RSL1D1: variants seen among roughly 807,000 people sequenced by gnomAD.
The protein encoded by RSL1D1 is ribosomal L1 domain containing 1.
RSL1D1 carries 34 observed loss-of-function variants against 44.6 expected under a neutral mutation model. The ratio of observed to expected loss-of-function variants is 0.76; its 90% CI spans 0.58 to 1.02. The LOEUF is 1.02. RSL1D1 is among the 50% of genes least tolerant of loss of function. RSL1D1 has a pLI of 0.00. For synonymous variants in RSL1D1, 271 were observed against 207.4 expected (o/e 1.31, Z -2.63); for missense variants, 767 against 568.1 (o/e 1.35, Z -3.56).
chr16:11,847,952 C>T (rs2053811252), intron 2 of RSL1D1, 146 bp from the exon 3 acceptor site: 3 of 815,332 alleles, frequency 3.7e-6, no homozygotes, highest in East Asian at 2.7e-5. Flanking sequence ...AAGAACAACA[C>T]TTAAAAATAC....
chr16:11,842,980 G>A lies in RSL1D1; in HGVS notation c.636-980C>T, dbSNP rs138285218. ...CTCGTTGCCCAGGCTGGAGTGCAAT[G>A]GCGTGATCTTGGCTCACTGCAACCC... is the stretch of plus-strand genomic sequence containing the variant. On this transcript the variant is annotated intron_variant, in intron 5 of 8. Coordinates refer to ENST00000571133, the MANE Select transcript of RSL1D1 (RefSeq NM_015659.3). Among the ~76,000 whole-genome samples, 19 of 148,592 alleles carry A rather than the reference G, an allele frequency of 1.3e-4. 1 individual carries two copies. In the East Asian group the frequency reaches 3.6e-3, roughly 28 times the overall value.
Position 11,851,462 on chromosome 16 carries a change from G to A in RSL1D1, c.51C>T (p.Thr17=), listed in dbSNP as rs768471148. The A allele has an allele frequency of 3.1e-6, 5 of 1,614,008 alleles. No homozygotes were observed. In the African/African-American group the frequency reaches 4.0e-5, roughly 13 times the overall value. ...ASLSSAAATG[T]STSTPAAPTA... ...TCGGGGCCGCTGGAGTCGAGGTGGA[G>A]GTTCCAGTAGCGGCTGCAGAAGACA... The change falls in exon 1 of 9, where the codon ACC becomes ACT. Residue 17 remains threonine (T), a synonymous_variant. Transcript: ENST00000571133.
In RSL1D1 at chr16:11,851,491, A is replaced by G; in HGVS notation, c.22T>C (p.Ser8Pro). Residue 8 changes from serine to proline, a missense_variant, in exon 1 of 9, where the codon TCG becomes CCG. Transcript: ENST00000571133. ...CCAGTAGCGGCTGCAGAAGACAGCG[A>G]GGCCGAGGCCGAATCCTCCATCTTG... is the stretch of plus-strand genomic sequence containing the variant. MEDSASA[S>P]LSSAAATGTS... The G allele has an allele frequency of 6.2e-7, 1 of 1,613,906 alleles. No individual in the cohort carries two copies. The highest frequency in any genetic ancestry group is 8.5e-7 in the Non-Finnish European group (1 of 1,179,964).
chr16:11,840,292 G>A lies in RSL1D1; in HGVS notation c.856-307C>T, dbSNP rs188941613. Among the ~76,000 whole-genome samples the A allele has an allele frequency of 3.9e-5, 6 of 152,288 alleles. No individual in the cohort carries two copies. The East Asian group carries it at 9.6e-4, about 24-fold the overall frequency. ...TGTAAAGAATAATACTCAGCTGGGCGCGGTGGCTCACGCCTGTAATCACAG... is the reference window on the plus strand; with the variant it reads ...TGTAAAGAATAATACTCAGCTGGGCACGGTGGCTCACGCCTGTAATCACAG... On this transcript the variant is annotated intron_variant, in intron 7 of 8. Coordinates refer to ENST00000571133, the MANE Select transcript of RSL1D1 (RefSeq NM_015659.3).
At position 11,841,704 on chromosome 16, in the gene RSL1D1, C is replaced by G. The variant is rs1297059768; in HGVS notation, c.846G>C (p.Lys282Asn). ...TTAAAATTCTACTAACTTTTTTCTT[C>G]TTATTAAGCAAAGATCTTTTGGTGG... is the stretch of plus-strand genomic sequence containing the variant. ...DEATKRSLLN[K>N]KKKEARRKRR... Residue 282 changes from lysine to asparagine, a missense_variant, in exon 7 of 9, where the codon AAG becomes AAC. Lys to Asn is a moderately conservative substitution (Grantham distance 94). Coordinates refer to ENST00000571133, the MANE Select transcript of RSL1D1 (RefSeq NM_015659.3). 1 of 1,609,182 alleles carries G rather than the reference C, an allele frequency of 6.2e-7. No individual in the cohort carries two copies. The highest frequency in any genetic ancestry group is 8.5e-7 in the Non-Finnish European group (1 of 1,178,630).
At chr16:11,841,605 G>C in intron 7 of RSL1D1, 90 bp downstream of exon 7, 2 of 1,202,602 alleles carry the variant, frequency 1.7e-6, no homozygotes, top group Non-Finnish European at 2.4e-6. Context: ...TAACTGAAAA[G>C]TCGGGCAGCG....
chr16:11,840,422 TGG>T (rs1051069342), intron 7 of RSL1D1, among the ~76,000 whole-genome samples: 1 of 152,014 alleles, frequency 6.6e-6, no homozygotes, highest in African/African-American at 2.4e-5. Flanking sequence ...AAAAATTAGC[TGG>T]GCATGGTGAT....
rs554784001 is a variant in RSL1D1, at chr16:11,851,535, G to A, written c.-23C>T. On this transcript the variant is annotated 5_prime_UTR_variant, in exon 1 of 9. Coordinates refer to ENST00000571133, the MANE Select transcript of RSL1D1 (RefSeq NM_015659.3). Reference sequence around the variant, plus strand: ...CATCTTGTTTCCACCTCGTGAAGAGGCGCGTGTGCAACCCCACTGCTGGCT... The same window carrying A: ...CATCTTGTTTCCACCTCGTGAAGAGACGCGTGTGCAACCCCACTGCTGGCT... 6.8e-6 allele frequency: 11 copies of A among 1,608,884 alleles called. No individual in the cohort carries two copies. Among genetic ancestry groups the A allele is most frequent in the South Asian group, 4.4e-5 (4 of 90,790 alleles).
intron 5 of RSL1D1, among the ~76,000 whole-genome samples, chr16:11,845,111 C>A (rs1428622065): frequency 6.6e-6 from 1 of 152,090 alleles, no homozygotes. Flanking sequence ...GAAGTTAAAC[C>A]AAGAATGAGG....
chr16:11,850,438 C>G lies in RSL1D1; in HGVS notation c.106-20G>C. 6.3e-7 allele frequency: 1 copy of G among 1,584,670 alleles called. No homozygotes were observed. The highest frequency in any genetic ancestry group is 8.5e-7 in the Non-Finnish European group (1 of 1,172,268). ...TCTAACCTGCAAAGTGGAAATTAGA[C>G]AAATAAGTGAAATGTTTTCACAATA... On this transcript the variant is annotated intron_variant, in intron 1 of 8. Transcript: ENST00000571133.
chr16:11,842,558 C>T (rs2053770268), intron 5 of RSL1D1, among the ~76,000 whole-genome samples: 2 of 151,862 alleles, frequency 1.3e-5, no homozygotes, highest in African/African-American at 4.8e-5. Context: ...GATGGGTTCT[C>T]ACTCCTGAGC....
At position 11,839,908 on chromosome 16, in the gene RSL1D1, C is replaced by G. The variant is rs1567418011; in HGVS notation, c.933G>C (p.Lys311Asn). The part of the protein sequence containing the change: ...ERKKKRQQAR[K>N]TASVLSKDDV... ...CATCTTTACTAAGAACTGATGCAGT[C>G]TTCCTAGCCTGCTGCCTCTTCTTCT... The change falls in exon 8 of 9, where the codon AAG becomes AAC. Residue 311 changes from lysine (K) to asparagine (N), a missense_variant. Coordinates refer to ENST00000571133, the MANE Select transcript of RSL1D1 (RefSeq NM_015659.3). 6.2e-7 allele frequency: 1 copy of G among 1,614,128 alleles called. No individual in the cohort carries two copies. The highest frequency in any genetic ancestry group is 2.2e-5 in the East Asian group (1 of 44,882).
At chr16:11,851,139 G>C in intron 1 of RSL1D1, 1 of 520,080 alleles carries the variant, frequency 1.9e-6, no homozygotes, top group Non-Finnish European at 3.5e-6. Flanking sequence ...GCTAATGATA[G>C]GGAAGCTAAG....
rs763922015 is a variant in RSL1D1 at position 11,846,562 on chromosome 16, T to C, written c.574A>G (p.Arg192Gly). 2.5e-6 allele frequency: 4 copies of C among 1,609,078 alleles called. No individual in the cohort carries two copies. Among genetic ancestry groups the C allele is most frequent in the East Asian group, 2.2e-5 (1 of 44,856 alleles). The change falls in exon 5 of 9, where the codon AGA (arginine) becomes GGA (glycine). Residue 192 changes from arginine to glycine, a missense_variant. By Grantham distance (125) the Arg-to-Gly change is moderately radical (BLOSUM62 -2). Transcript: ENST00000571133. ...CCACCTATACAGTCATTGATCTCTCTTGATAAATTCTTGGACAGAAGGTTT... is the reference window on the plus strand; with the variant it reads ...CCACCTATACAGTCATTGATCTCTCCTGATAAATTCTTGGACAGAAGGTTT... ...SVNLLSKNLS[R>G]EINDCIGGTV...
At chr16:11,851,311 G>A in intron 1 of RSL1D1, 97 bp downstream of exon 1, 2 of 1,147,466 alleles carry the variant, frequency 1.7e-6, no homozygotes, top group South Asian at 2.5e-5. Context: ...ACAGCCCCGG[G>A]GAAGTCCGCC....
chr16:11,850,473 A>C, intron 1 of RSL1D1, 55 bp from the exon 2 acceptor site: 1 of 1,537,456 alleles, frequency 6.5e-7, no homozygotes. Flanking sequence ...AACTTACACA[A>C]ATAAATGAAA....
intron 8 of RSL1D1, among the ~76,000 whole-genome samples, chr16:11,839,490 G>A (rs1029923430): frequency 4.8e-5 from 7 of 145,252 alleles, no homozygotes; most frequent in African/African-American, 1.3e-4. Context: ...CCCCCGGAGT[G>A]TAAGACCGGT....
rs373201531 is a variant in RSL1D1 at position 11,847,660 on chromosome 16, C to T, written c.384+8G>A. 9.3e-5 allele frequency: 149 copies of T among 1,603,546 alleles called. 5 individuals carry two copies. Among genetic ancestry groups the T allele is most frequent in the South Asian group, 9.2e-4 (82 of 89,514 alleles). ...AAATAACTTGAAAATATTAACCAGG[C>T]TTCCTACCTGAGAAACGGTTTTAAT... On this transcript the variant is annotated splice_region_variant and intron_variant, in intron 3 of 8. Coordinates refer to ENST00000571133, the MANE Select transcript of RSL1D1 (RefSeq NM_015659.3).
chr16:11,843,030 T>A (rs2053773492), intron 5 of RSL1D1, among the ~76,000 whole-genome samples: 1 of 150,762 alleles, frequency 6.6e-6, no homozygotes, highest in Non-Finnish European at 1.5e-5. Context: ...CAAGCGATTC[T>A]CCTGCCTCAG....
Sources: gnomAD v4.1 joint callset for allele counts (sites outside exome capture counted in the v4.1 genomes callset) on GRCh38, gnomAD v4.1.1 for gene constraint, MANE v1.5 for transcripts, NCBI Gene and HGNC (gene_info 2026-07-23, HGNC 2026-07-21) for gene names.